Variants in PYGL observed in about 807,000 individuals in gnomAD.
PYGL encodes glycogen phosphorylase L, also known as glycogen phosphorylase, liver form.
Under a neutral mutation model 100.1 loss-of-function variants are expected in PYGL, and 90 were observed. The ratio of observed to expected loss-of-function variants is 0.90; its 90% CI spans 0.76 to 1.07. The LOEUF is 1.07. Among genes scored for constraint, PYGL ranks in the 50% least tolerant of loss-of-function variants. The pLI is 0.00. For missense variants in PYGL, 1,016 were observed against 1,057.6 expected, an observed-to-expected ratio of 0.96 and a Z score of 0.55; for synonymous variants, 373 against 393.0, an observed-to-expected ratio of 0.95 and a Z score of 0.60.
At chr14:50,916,063 C>T in intron 9 of PYGL, 92 bp from the exon 10 acceptor site, 1 of 1,535,630 alleles carries the variant, frequency 6.5e-7, no homozygotes, top group South Asian at 1.1e-5. Flanking sequence ...CTGTCTGCAA[C>T]AGGACCATTC....
At chr14:50,929,610 A>G (rs184495535) in intron 4 of PYGL, among the ~76,000 whole-genome samples, 2 of 152,292 alleles carry the variant, frequency 1.3e-5, no homozygotes, top group African/African-American at 2.4e-5. Flanking sequence ...ATCTGATAAT[A>G]GTTAAGAGAT....
Position 50,931,695 on chromosome 14 carries a change from T to C in PYGL, c.506A>G (p.Gln169Arg). ...CACCTGCCATCCATCTCGGATCTTC[T>C]GATTGAAAATCCCATATTCATACCG... ...GIRYEYGIFN[Q>R]KIRDGWQVEE... The change falls in exon 4 of 20, where the codon CAG (glutamine) becomes CGG (arginine). Residue 169 changes from glutamine (Q) to arginine (R), a missense_variant. Gln to Arg is a conservative substitution (Grantham distance 43, BLOSUM62 1). Coordinates refer to ENST00000216392, the MANE Select transcript of PYGL (RefSeq NM_002863.5). 1.9e-6 allele frequency: 3 copies of C among 1,613,882 alleles called. No homozygotes were observed. The highest frequency in any genetic ancestry group is 1.7e-6 in the Non-Finnish European group (2 of 1,179,794).
intron 4 of PYGL, among the ~76,000 whole-genome samples, chr14:50,930,665 C>T (rs1446422942): frequency 6.6e-6 from 1 of 152,112 alleles, no homozygotes; most frequent in East Asian, 1.9e-4. Flanking sequence ...TGACACTAAA[C>T]TCATTCTCAT....
chr14:50,926,902 A>G (rs1244568090), intron 4 of PYGL, among the ~76,000 whole-genome samples: 1 of 152,160 alleles, frequency 6.6e-6, no homozygotes, highest in African/African-American at 2.4e-5. Flanking sequence ...ATACTGAGCA[A>G]TGTGAACACT....
At chr14:50,942,378 T>C (rs909139520) in intron 1 of PYGL, among the ~76,000 whole-genome samples, 1 of 140,158 alleles carries the variant, frequency 7.1e-6, no homozygotes, top group Non-Finnish European at 1.6e-5. Flanking sequence ...TCTCTGGTGC[T>C]CTATGATGCT....
At chr14:50,925,161 G>A (rs764749405) in intron 4 of PYGL, among the ~76,000 whole-genome samples, 68 of 152,166 alleles carry the variant, frequency 4.5e-4, no homozygotes, top group Non-Finnish European at 9.1e-4. Flanking sequence ...TGTACAGCAC[G>A]TTACTGTGCT....
chr14:50,925,408 C>T (rs867701625), intron 4 of PYGL, among the ~76,000 whole-genome samples: 4 of 152,148 alleles, frequency 2.6e-5, no homozygotes, highest in African/African-American at 9.7e-5. Flanking sequence ...GTAAACAAAG[C>T]AGCTTTGTCA....
At chr14:50,939,330 C>T (rs2050684690) in intron 1 of PYGL, among the ~76,000 whole-genome samples, 1 of 152,174 alleles carries the variant, frequency 6.6e-6, no homozygotes, top group South Asian at 2.1e-4. Flanking sequence ...AGCCAAGCGC[C>T]CGGCCTACAA....
At chr14:50,907,018 G>C (rs1225781425) in intron 19 of PYGL, among the ~76,000 whole-genome samples, 3 of 152,166 alleles carry the variant, frequency 2.0e-5, no homozygotes, top group African/African-American at 4.8e-5. Flanking sequence ...TGGAGTCTTG[G>C]CACAGAGCTA....
chr14:50,908,433 T>G (rs1480720330), intron 18 of PYGL, 96 bp from the exon 19 acceptor site: 27 of 1,148,508 alleles, frequency 2.4e-5, no homozygotes, highest in Non-Finnish European at 3.5e-5. Context: ...TTGCTTAATA[T>G]CAGGCATGGC....
At chr14:50,919,242 G>A (rs528921012) in intron 7 of PYGL, among the ~76,000 whole-genome samples, 2 of 152,164 alleles carry the variant, frequency 1.3e-5, no homozygotes, top group African/African-American at 4.8e-5. Flanking sequence ...TTGGCAGTAC[G>A]GTCCCAGACT....
intron 1 of PYGL, among the ~76,000 whole-genome samples, chr14:50,940,408 T>C (rs1441780424): frequency 1.3e-5 from 2 of 152,218 alleles, no homozygotes; most frequent in Non-Finnish European, 2.9e-5. Context: ...TGATTCCACA[T>C]TAGCACGAAC....
At position 50,906,564 on chromosome 14, in the gene PYGL, G is replaced by C. The variant is rs753310957; in HGVS notation, c.2380-1008C>G. Among the ~76,000 whole-genome samples, 45 of 152,236 alleles carry C rather than the reference G, an allele frequency of 3.0e-4. 1 individual carries two copies. The highest frequency in any genetic ancestry group is 2.1e-3 in the Admixed American group (32 of 15,290). ...AACAAGAAAGACCGAATCAAATGCT[G>C]GGTTTCTAGATGAGCATCGTTTGGA... On this transcript the variant is annotated intron_variant, in intron 19 of 19. Transcript: ENST00000216392.
At chr14:50,938,938 AACACAAAGATTAACTCCC>A (rs1376766940) in intron 1 of PYGL, among the ~76,000 whole-genome samples, 1 of 152,192 alleles carries the variant, frequency 6.6e-6, no homozygotes, top group African/African-American at 2.4e-5. Context: ...TCATCCAAGA[AACACAAAGATTAACTCCC>A]ACACACCGCA....
At position 50,923,988 on chromosome 14, in the gene PYGL, G is replaced by T. The variant is rs1173764009; in HGVS notation, c.641C>A (p.Thr214Asn). 4 of 1,613,890 alleles carry T rather than the reference G, an allele frequency of 2.5e-6. No homozygotes were observed. Among genetic ancestry groups the T allele is most frequent in the Non-Finnish European group, 3.4e-6 (4 of 1,179,838 alleles). Residue 214 changes from threonine (T) to asparagine (N), a missense_variant, in exon 5 of 20, where the codon ACC becomes AAC. Physicochemically the swap from Thr to Asn is moderately conservative, Grantham distance 65. Transcript: ENST00000216392. ...GAATACTTGAGTGTCAATCCACTTG[G>T]TCCCGGTGTTGGTGTGTTCTACTTT... is the stretch of plus-strand genomic sequence containing the variant. ...YGKVEHTNTG[T>N]KWIDTQVVLA...
Position 50,920,609 on chromosome 14 carries a change from A to G in PYGL, c.787T>C (p.Tyr263His), listed in dbSNP as rs778368530. 6.2e-7 allele frequency: 1 copy of G among 1,611,358 alleles called. No homozygotes were observed. The highest frequency in any genetic ancestry group is 1.1e-5 in the South Asian group (1 of 91,030). ...FNLRDFNVGD[Y>H]IQAVLDRNLA... ...TTTCGGTCCAGCACAGCCTGAATGTAGTCTCCAACATTAACTAGGGGAAAG... is the reference window on the plus strand; with the variant it reads ...TTTCGGTCCAGCACAGCCTGAATGTGGTCTCCAACATTAACTAGGGGAAAG... The change falls in exon 7 of 20, where the codon TAC (tyrosine) becomes CAC (histidine). Residue 263 changes from tyrosine (Y) to histidine (H), a missense_variant. Physicochemically the swap from Tyr to His is moderately conservative, Grantham distance 83 (BLOSUM62 2). Transcript: ENST00000216392.
intron 1 of PYGL, 67 bp downstream of exon 1, chr14:50,944,094 C>T (rs916065171): frequency 7.2e-6 from 11 of 1,526,318 alleles, no homozygotes; most frequent in Non-Finnish European, 9.7e-6. Flanking sequence ...CACCTCGTCC[C>T]GCCCGGCCGC....
At chr14:50,937,915 T>C in intron 1 of PYGL, 78 bp from the exon 2 acceptor site, 1 of 1,270,624 alleles carries the variant, frequency 7.9e-7, no homozygotes, top group South Asian at 1.2e-5. Context: ...GGTCATGTGT[T>C]AGGTCACCAA....
intron 1 of PYGL, among the ~76,000 whole-genome samples, chr14:50,942,993 A>C (rs2050714797): frequency 6.6e-6 from 1 of 152,096 alleles, no homozygotes; most frequent in African/African-American, 2.4e-5. Flanking sequence ...CCATTTGAAA[A>C]CTGTTACAGT....
Sources: gnomAD v4.1 joint callset for allele counts (sites outside exome capture counted in the v4.1 genomes callset) on GRCh38, gnomAD v4.1.1 for gene constraint, MANE v1.5 for transcripts, NCBI Gene and HGNC (gene_info 2026-07-23, HGNC 2026-07-21) for gene names.